Variants in CCR5AS observed in about 807,000 individuals in gnomAD.
The protein encoded by CCR5AS is CCR5 antisense RNA.
chr3:46,381,898 A>G (rs1486706658), intron 2 of CCR5AS, among the ~76,000 whole-genome samples: 1 of 152,236 alleles, frequency 6.6e-6, no homozygotes, highest in Non-Finnish European at 1.5e-5. Flanking sequence ...AGGATCTAAA[A>G]GGATTTCCAG....
chr3:46,391,467 G>A (rs1701913247), intron 2 of CCR5AS, among the ~76,000 whole-genome samples: 1 of 152,168 alleles, frequency 6.6e-6, no homozygotes, highest in African/African-American at 2.4e-5. Flanking sequence ...GTAATAAAAT[G>A]CATATTGAGA....
intron 2 of CCR5AS, among the ~76,000 whole-genome samples, chr3:46,382,555 A>G (rs778003018): frequency 2.0e-5 from 3 of 152,192 alleles, no homozygotes; most frequent in Non-Finnish European, 4.4e-5. Context: ...ATGCTGCTTC[A>G]TTACTAATAG....
chr3:46,403,560 A>G (rs568236925), intron 1 of CCR5AS, among the ~76,000 whole-genome samples: 5 of 152,232 alleles, frequency 3.3e-5, no homozygotes, highest in Non-Finnish European at 7.3e-5. Context: ...CAGCCAAGGA[A>G]GGGGCGAACT....
At chr3:46,400,421 C>G (rs1338119947) in intron 1 of CCR5AS, among the ~76,000 whole-genome samples, 1 of 152,158 alleles carries the variant, frequency 6.6e-6, no homozygotes, top group East Asian at 1.9e-4. Context: ...TACTGGATCT[C>G]AGCTAGATAA....
intron 2 of CCR5AS, among the ~76,000 whole-genome samples, chr3:46,389,338 A>G (rs1448333451): frequency 6.6e-6 from 1 of 152,232 alleles, no homozygotes. Flanking sequence ...GGTCGTGCAG[A>G]CGGATGGCAG....
chr3:46,374,045 G>C (rs1701717199), intron 2 of CCR5AS: 1 of 972,836 alleles, frequency 1.0e-6, no homozygotes, highest in Admixed American at 2.4e-5. Context: ...GGGGTGGGGT[G>C]GGAGAGGTCT....
rs755938296 is a variant in CCR5AS, at chr3:46,373,254, T to C, written n.392-1837A>G. ...TATAGGCTTCTTCTCTGGAATCTTC[T>C]TCATCATCCTCCTGACAATCGATAG... On this transcript the variant is annotated intron_variant and non_coding_transcript_variant, in intron 2 of 3. Coordinates refer to ENST00000451485, the Ensembl canonical transcript of CCR5AS. 8.1e-6 allele frequency: 13 copies of C among 1,614,202 alleles called. No homozygotes were observed. The South Asian group carries it at 1.4e-4, about 18-fold the overall frequency.
rs181473675 is a variant in CCR5AS at position 46,389,789 on chromosome 3, T to C, written n.391+3036A>G. Among the ~76,000 whole-genome samples, 3 of 152,240 alleles carry C rather than the reference T, an allele frequency of 2.0e-5. No homozygotes were observed. In the East Asian group the frequency reaches 5.8e-4, roughly 29 times the overall value. On this transcript the variant is annotated intron_variant and non_coding_transcript_variant, in intron 2 of 3. Coordinates refer to ENST00000451485, the Ensembl canonical transcript of CCR5AS. ...AAAGCCCGGTATCCAAAGTTGGAAATATCCAACAATGCCTAAGAAGGAAGG... is the reference window on the plus strand; with the variant it reads ...AAAGCCCGGTATCCAAAGTTGGAAACATCCAACAATGCCTAAGAAGGAAGG...
At chr3:46,389,657 A>C (rs1701893510) in intron 2 of CCR5AS, among the ~76,000 whole-genome samples, 1 of 152,188 alleles carries the variant, frequency 6.6e-6, no homozygotes, top group Admixed American at 6.5e-5. Flanking sequence ...AGCTGTCTCC[A>C]GGTCCTTTTT....
At chr3:46,391,834 G>A (rs138300974) in intron 2 of CCR5AS, among the ~76,000 whole-genome samples, 26 of 152,240 alleles carry the variant, frequency 1.7e-4, no homozygotes, top group African/African-American at 6.3e-4. Context: ...AGCCTGGGGA[G>A]GAGGGGAGAA....
At chr3:46,399,626 C>T (rs1701989782) in intron 1 of CCR5AS, among the ~76,000 whole-genome samples, 4 of 152,258 alleles carry the variant, frequency 2.6e-5, no homozygotes, top group Admixed American at 2.0e-4. Flanking sequence ...GAAGGTTAAA[C>T]GGAATGAGAT....
chr3:46,399,687 T>C (rs1028437069), intron 1 of CCR5AS, among the ~76,000 whole-genome samples: 2 of 152,036 alleles, frequency 1.3e-5, no homozygotes, highest in African/African-American at 4.8e-5. Flanking sequence ...AGCAACTCTG[T>C]CCATGGAGAG....
Position 46,365,778 on chromosome 3 carries a change from A to G in CCR5AS, n.566-733T>C, listed in dbSNP as rs149279660. ...ATTTTCTGGGTGCTGGGCTCATCTCACCCAGAAAGTAGGACCCAATGTGAC... is the reference window on the plus strand; with the variant it reads ...ATTTTCTGGGTGCTGGGCTCATCTCGCCCAGAAAGTAGGACCCAATGTGAC... On this transcript the variant is annotated intron_variant and non_coding_transcript_variant, in intron 3 of 3. Transcript: ENST00000451485. Among the ~76,000 whole-genome samples, 3 of 151,940 alleles carry G rather than the reference A, an allele frequency of 2.0e-5. No individual in the cohort carries two copies. In the East Asian group the frequency reaches 5.8e-4, roughly 29 times the overall value.
chr3:46,368,931 C>T (rs769902489), intron 3 of CCR5AS, among the ~76,000 whole-genome samples: 6 of 152,136 alleles, frequency 3.9e-5, no homozygotes, highest in South Asian at 2.1e-4. Context: ...AGTGTTGGTC[C>T]GGCAGCCTCC....
chr3:46,403,759 G>A (rs1326713543), intron 1 of CCR5AS, among the ~76,000 whole-genome samples: 1 of 152,228 alleles, frequency 6.6e-6, no homozygotes, highest in Non-Finnish European at 1.5e-5. Flanking sequence ...CGCTCTTGGA[G>A]TGCCAGCAAA....
intron 2 of CCR5AS, chr3:46,372,836 G>A: frequency 8.0e-7 from 1 of 1,256,516 alleles, no homozygotes; most frequent in Non-Finnish European, 1.1e-6. Flanking sequence ...CATTCATGGA[G>A]GGCAACTAAA....
chr3:46,366,729 A>G (rs1701602989), intron 3 of CCR5AS, among the ~76,000 whole-genome samples: 1 of 152,198 alleles, frequency 6.6e-6, no homozygotes. Flanking sequence ...GGCAGAAGGT[A>G]AAGAGGCTGT....
chr3:46,396,515 T>C (rs144948333), intron 1 of CCR5AS, among the ~76,000 whole-genome samples: 99 of 152,336 alleles, frequency 6.5e-4, no homozygotes, highest in African/African-American at 2.4e-3. Context: ...TCTGCCCAGA[T>C]GCCCTTTTCA....
intron 2 of CCR5AS, among the ~76,000 whole-genome samples, chr3:46,391,046 G>A (rs1172216232): frequency 6.6e-6 from 1 of 152,244 alleles, no homozygotes; most frequent in Non-Finnish European, 1.5e-5. Context: ...AAGCTGAGAA[G>A]ATCTGGGAAG....
Sources: allele counts gnomAD v4.1 joint callset (sites outside exome capture counted in the v4.1 genomes callset), GRCh38; gene constraint gnomAD v4.1.1; transcripts MANE v1.5; gene names NCBI Gene and HGNC (gene_info 2026-07-23, HGNC 2026-07-21).